Variants in ZNF385C observed in about 807,000 individuals in gnomAD.
The protein encoded by ZNF385C is zinc finger protein 385C.
A neutral mutation model predicts 35.4 loss-of-function variants in ZNF385C; 28 were observed. The ratio of observed to expected loss-of-function variants is 0.79; its 90% confidence interval spans 0.59 to 1.08. ZNF385C has a LOEUF of 1.08. Ranked by LOEUF, ZNF385C falls within the 50% of genes least tolerant of loss-of-function variation. ZNF385C has a pLI of 0.00. For synonymous variants in ZNF385C, 248 were observed against 248.2 expected (o/e 1.00, Z 0.01); for missense variants, 605 against 595.6 (o/e 1.02, Z -0.16).
chr17:42,043,196 C>T (rs2053067963), intron 2 of ZNF385C: 3 of 1,232,228 alleles, frequency 2.4e-6, no homozygotes, highest in South Asian at 4.1e-5. Flanking sequence ...AAGGCGTTTT[C>T]GGCTTTGCCA....
At chr17:42,068,009 C>T (rs544546812) in intron 1 of ZNF385C, among the ~76,000 whole-genome samples, 2 of 152,278 alleles carry the variant, frequency 1.3e-5, no homozygotes, top group Admixed American at 6.5e-5. Flanking sequence ...TCTGGGCTCA[C>T]GGGGCCGCCT....
intron 1 of ZNF385C, among the ~76,000 whole-genome samples, chr17:42,094,936 G>T (rs1398497362): frequency 6.6e-6 from 1 of 152,206 alleles, no homozygotes; most frequent in African/African-American, 2.4e-5. Context: ...GACAGTGAGA[G>T]TGTGACTGGG....
chr17:42,072,784 TGGGA>T (rs2053643755), intron 1 of ZNF385C, among the ~76,000 whole-genome samples: 1 of 151,428 alleles, frequency 6.6e-6, no homozygotes, highest in Non-Finnish European at 1.5e-5. Flanking sequence ...GCTCCCCGGG[TGGGA>T]GGAAGAGAGG....
chr17:42,047,471 C>T (rs148847001), intron 2 of ZNF385C, among the ~76,000 whole-genome samples: 79 of 151,912 alleles, frequency 5.2e-4, no homozygotes, highest in African/African-American at 1.4e-3. Context: ...CCCAATTAGA[C>T]GATCTGAAGC....
At chr17:42,063,397 G>A (rs1019654617) in intron 1 of ZNF385C, among the ~76,000 whole-genome samples, 5 of 152,058 alleles carry the variant, frequency 3.3e-5, no homozygotes, top group African/African-American at 7.2e-5. Context: ...GCATGGTGGC[G>A]CATGCCTGTA....
At chr17:42,051,547 A>T (rs782314634) in intron 2 of ZNF385C, among the ~76,000 whole-genome samples, 5 of 151,980 alleles carry the variant, frequency 3.3e-5, no homozygotes, top group Non-Finnish European at 7.4e-5. Flanking sequence ...CAACTTGGGG[A>T]GGAGGCTAGG....
intron 2 of ZNF385C, chr17:42,040,420 G>A (rs2052989480): frequency 5.7e-6 from 7 of 1,232,108 alleles, no homozygotes; most frequent in Non-Finnish European, 7.1e-6. Flanking sequence ...AGCTTGGAGG[G>A]AGGCCGCAGC....
At chr17:42,039,907 G>A (rs1555655914) in intron 2 of ZNF385C, 10 of 1,231,196 alleles carry the variant, frequency 8.1e-6, no homozygotes, top group East Asian at 3.2e-5. Context: ...GCCAGCGCCC[G>A]CGGGCAGCGC....
At chr17:42,040,562 CCAGGGCCAG>C in intron 2 of ZNF385C, 1 of 1,232,936 alleles carries the variant, frequency 8.1e-7, no homozygotes, top group Non-Finnish European at 1.0e-6. Context: ...TGGCGCAGGG[CCAGGGCCAG>C]TGACCCCGCC....
In ZNF385C at chr17:42,028,327, T is replaced by C. The variant is rs116489654; in HGVS notation, c.968-81A>G. On this transcript the variant is annotated intron_variant, in intron 6 of 8. Coordinates refer to ENST00000692273, the MANE Select transcript of ZNF385C (RefSeq NM_001392013.1). ...GAGACCCCCTCCACACTCATGCAAT[T>C]TGGCTCTCCCTGTAAGCCTCACGGC... The C allele has an allele frequency of 4.1e-4, 586 of 1,413,058 alleles. 3 individuals are homozygous for C. The African/African-American group carries it at 7.9e-3, about 19-fold the overall frequency. 87.5% of individuals were successfully genotyped at this position (1,413,058 alleles called of 1,614,324 possible). A position where few individuals can be genotyped will look rare whatever the true frequency, so the allele number is the denominator to read the frequency against.
intron 2 of ZNF385C, among the ~76,000 whole-genome samples, chr17:42,052,486 A>T (rs903640730): frequency 6.6e-6 from 1 of 152,162 alleles, no homozygotes; most frequent in Non-Finnish European, 1.5e-5. Flanking sequence ...ATGTGTATAC[A>T]TATGGAGGTG....
At chr17:42,090,076 T>C (rs1555660395) in intron 1 of ZNF385C, among the ~76,000 whole-genome samples, 1 of 152,174 alleles carries the variant, frequency 6.6e-6, no homozygotes, top group African/African-American at 2.4e-5. Context: ...CACTGGGCTC[T>C]TTCTGTCCCT....
chr17:42,046,951 C>T (rs1414430262), intron 2 of ZNF385C, among the ~76,000 whole-genome samples: 2 of 151,836 alleles, frequency 1.3e-5, no homozygotes, highest in Non-Finnish European at 2.9e-5. Flanking sequence ...CAATCTCCAC[C>T]TCCCGGATTC....
Position 42,034,306 on chromosome 17 carries a change from G to A in ZNF385C, c.429C>T (p.Ser143=). 6.4e-7 allele frequency: 1 copy of A among 1,550,630 alleles called. No homozygotes were observed. The highest frequency in any genetic ancestry group is 8.7e-7 in the Non-Finnish European group (1 of 1,146,984). The stretch of plus-strand genomic sequence containing the variant: ...GAGGGGAGGGGACACCAAACGTGTG[G>A]CTGATGACAGCTTTCTGGACCGGGT... ...TMDPVQKAVI[S]HTFGVPSPLK... Residue 143 remains serine (S), a synonymous_variant, in exon 4 of 9, where the codon AGC becomes AGT. Transcript: ENST00000692273.
In ZNF385C at chr17:42,027,010, G is replaced by T. The variant is rs1567982259; in HGVS notation, c.1399C>A (p.Pro467Thr). The part of the protein sequence containing the change: ...LPGPLALRPA[P>T]TAATTLFPAP... ...GGGAAGAGGGTAGTGGCTGCTGTAG[G>T]GGCAGGGCGGAGGGCCAGGGGCCCT... Residue 467 changes from proline to threonine, a missense_variant, in exon 9 of 9, where the codon CCT becomes ACT. By Grantham distance (38) the Pro-to-Thr change is conservative. Coordinates refer to ENST00000692273, the MANE Select transcript of ZNF385C (RefSeq NM_001392013.1). 1 of 1,608,886 alleles carries T rather than the reference G, an allele frequency of 6.2e-7. No individual in the cohort carries two copies. The highest frequency in any genetic ancestry group is 1.3e-5 in the African/African-American group (1 of 74,936).
chr17:42,076,003 C>T (rs1290883620), intron 1 of ZNF385C, among the ~76,000 whole-genome samples: 4 of 152,172 alleles, frequency 2.6e-5, no homozygotes, highest in Non-Finnish European at 4.4e-5. Context: ...GCCTCCCTAT[C>T]CCAGCCCCCG....
intron 2 of ZNF385C, chr17:42,040,231 C>T: frequency 8.1e-7 from 1 of 1,231,592 alleles, no homozygotes; most frequent in Non-Finnish European, 1.0e-6. Context: ...GTCCTGTAGG[C>T]CCTTCCGCAT....
intron 1 of ZNF385C, among the ~76,000 whole-genome samples, chr17:42,087,839 C>T (rs967085166): frequency 4.6e-5 from 7 of 152,164 alleles, no homozygotes; most frequent in Admixed American, 1.3e-4. Context: ...ATTATACCTC[C>T]GTAATCTATA....
intron 3 of ZNF385C, among the ~76,000 whole-genome samples, chr17:42,034,615 A>G (rs577298040): frequency 1.9e-5 from 1 of 52,226 alleles, no homozygotes; most frequent in Non-Finnish European, 6.3e-5. Flanking sequence ...CCCCATCTCT[A>G]CTAAAAAAAA....
Sources: allele counts gnomAD v4.1 joint callset (sites outside exome capture counted in the v4.1 genomes callset), GRCh38; gene constraint gnomAD v4.1.1; transcripts MANE v1.5; gene names NCBI Gene and HGNC (gene_info 2026-07-23, HGNC 2026-07-21).